The following UGDH variants were observed in gnomAD, a reference collection of about 807,000 sequenced individuals.
UGDH encodes UDP-Glc dehydrogenase.
In UGDH, 38 loss-of-function variants were observed where a neutral mutation model predicts 50.6. That is an observed-to-expected ratio of 0.75 (90% CI 0.58 to 0.98). The LOEUF is 0.98. Ranked by LOEUF, UGDH falls within the 50% of genes least tolerant of loss-of-function variation. The pLI, the probability that UGDH is intolerant of heterozygous loss-of-function variation, is 0.00. For missense variants in UGDH, 465 were observed against 606.2 expected (o/e 0.77, Z 2.45); for synonymous variants, 168 against 199.9 (o/e 0.84, Z 1.35).
At chr4:39,500,755 C>T (rs1279767869) in intron 11 of UGDH, among the ~76,000 whole-genome samples, 1 of 148,988 alleles carries the variant, frequency 6.7e-6, no homozygotes, top group Non-Finnish European at 1.5e-5. Context: ...CTCCTAGGTT[C>T]AAGCAATTCT....
chr4:39,518,101 G>T (rs1280228362), intron 2 of UGDH, among the ~76,000 whole-genome samples: 2 of 151,920 alleles, frequency 1.3e-5, no homozygotes, highest in South Asian at 2.1e-4. Context: ...GCTAATTTTT[G>T]TATTATTTTA....
intron 1 of UGDH, among the ~76,000 whole-genome samples, chr4:39,525,773 T>G (rs975333904): frequency 6.6e-6 from 1 of 152,070 alleles, no homozygotes; most frequent in Non-Finnish European, 1.5e-5. Context: ...CCTCCCAAAG[T>G]GCTGGGATTA....
At chr4:39,517,450 T>C (rs941287235) in intron 2 of UGDH, among the ~76,000 whole-genome samples, 3 of 152,148 alleles carry the variant, frequency 2.0e-5, no homozygotes, top group Admixed American at 6.5e-5. Flanking sequence ...CCTCAGGTGA[T>C]CCACCCACCT....
Position 39,504,483 on chromosome 4 carries a change from CT to C in UGDH, c.1196del (p.Lys399ArgfsTer35). On this transcript the variant is annotated frameshift_variant, in exon 10 of 12. Coordinates refer to ENST00000316423, the MANE Select transcript of UGDH (RefSeq NM_003359.4). LOFTEE classifies it high-confidence loss of function. ...CACCATCACATGCTTCATATGGATC[CT>C]TGGAAATGGTCACGAGCCGGGACAC... Reference protein sequence around the residue: ...DQVSRLVTISKDPYEACDGAH... With the variant: ...DQVSRLVTISXDPYEACDGAH... 1 of 1,613,916 alleles carries C rather than the reference CT, an allele frequency of 6.2e-7. No homozygotes were observed. The highest frequency in any genetic ancestry group is 8.5e-7 in the Non-Finnish European group (1 of 1,179,976).
At position 39,510,691 on chromosome 4, in the gene UGDH, A is replaced by G; in HGVS notation, c.435T>C (p.Asp145=). The G allele has an allele frequency of 1.2e-6, 2 of 1,614,250 alleles. No homozygotes were observed. The highest frequency in any genetic ancestry group is 2.7e-5 in the African/African-American group (2 of 75,062). ...AATTCAAGTTGGGTTTTGTGTTTGCATCAAATATGCGACGGATACTTTCTG... is the reference window on the plus strand; with the variant it reads ...AATTCAAGTTGGGTTTTGTGTTTGCGTCAAATATGCGACGGATACTTTCTG... ...RAAESIRRIF[D]ANTKPNLNLQ... is the part of the protein sequence containing the mutation. The change falls in exon 4 of 12, where the codon GAT becomes GAC. Residue 145 remains aspartate, a synonymous_variant. Coordinates refer to ENST00000316423, the MANE Select transcript of UGDH (RefSeq NM_003359.4).
At chr4:39,524,255 T>G (rs1270990734) in intron 1 of UGDH, among the ~76,000 whole-genome samples, 1 of 152,216 alleles carries the variant, frequency 6.6e-6, no homozygotes, top group Non-Finnish European at 1.5e-5. Context: ...CAGTGTCTAC[T>G]CGTTGCAGCT....
At chr4:39,510,083 A>G (rs2109928562) in intron 5 of UGDH, among the ~76,000 whole-genome samples, 176 bp from the exon 6 acceptor site, 1 of 152,372 alleles carries the variant, frequency 6.6e-6, no homozygotes, top group Admixed American at 6.5e-5. Flanking sequence ...TAAATTAGAG[A>G]GGACAGATGA....
At chr4:39,517,053 A>G (rs1382347484) in intron 2 of UGDH, among the ~76,000 whole-genome samples, 1 of 152,170 alleles carries the variant, frequency 6.6e-6, no homozygotes, top group Non-Finnish European at 1.5e-5. Context: ...TTATGTAATT[A>G]TCATAATTGG....
At position 39,503,947 on chromosome 4, in the gene UGDH, C is replaced by T. The variant is rs1341254733; in HGVS notation, c.1302G>A (p.Lys434=). ...DYERIHKKML[K]PAFIFDGRRV... ...GCCGTCCATCGAAGATAAAGGCTGG[C>T]TTTAGCATTTTTTTATGAATGCGTT... Residue 434 remains lysine (K), a synonymous_variant, in exon 11 of 12, where the codon AAG becomes AAA. Coordinates refer to ENST00000316423, the MANE Select transcript of UGDH (RefSeq NM_003359.4). 6.2e-7 allele frequency: 1 copy of T among 1,614,130 alleles called. No homozygotes were observed. Among genetic ancestry groups the T allele is most frequent in the Admixed American group, 1.7e-5 (1 of 60,014 alleles).
At chr4:39,507,474 C>T (rs1746072630) in intron 7 of UGDH, among the ~76,000 whole-genome samples, 1 of 152,204 alleles carries the variant, frequency 6.6e-6, no homozygotes, top group Non-Finnish European at 1.5e-5. Context: ...CAACCTCCGC[C>T]TCCTGGGTTC....
intron 2 of UGDH, among the ~76,000 whole-genome samples, chr4:39,514,691 A>AT (rs112622925): frequency 0.011 from 1,569 of 138,200 alleles, 22 homozygotes; most frequent in African/African-American, 0.035. Context: ...ATTTTATTTT[A>AT]TTTTTTTTTG....
Position 39,503,973 on chromosome 4 carries a change from C to T in UGDH, c.1276G>A (p.Glu426Lys), listed in dbSNP as rs922278383. The change falls in exon 11 of 12, where the codon GAA becomes AAA. Residue 426 changes from glutamate to lysine, a missense_variant. Glu to Lys is a moderately conservative substitution (Grantham distance 56). Transcript: ENST00000316423. ...EWDMFKELDY[E>K]RIHKKMLKPA... ...TTTAGCATTTTTTTATGAATGCGTT[C>T]ATAATCCAATTCCTGTAAAGACAAA... The T allele has an allele frequency of 9.9e-6, 16 of 1,613,970 alleles. No homozygotes were observed. Among genetic ancestry groups the T allele is most frequent in the Admixed American group, 1.7e-5 (1 of 60,012 alleles).
chr4:39,511,110 A>T (rs78384777), intron 3 of UGDH, among the ~76,000 whole-genome samples: 5,253 of 152,326 alleles, frequency 0.034, 132 homozygotes, highest in Non-Finnish European at 0.055. Flanking sequence ...TAACTAGGGC[A>T]GGCAGATTCC....
intron 1 of UGDH, among the ~76,000 whole-genome samples, chr4:39,522,147 T>C (rs185273477): frequency 2.6e-5 from 4 of 152,350 alleles, no homozygotes; most frequent in African/African-American, 7.2e-5. Flanking sequence ...TTACCAAAGC[T>C]GTTACACAGA....
chr4:39,519,774 AG>A (rs1289282776), intron 2 of UGDH, among the ~76,000 whole-genome samples: 3 of 152,066 alleles, frequency 2.0e-5, no homozygotes, highest in Non-Finnish European at 4.4e-5. Flanking sequence ...TCCCGACCTC[AG>A]GTAATCCGCC....
intron 5 of UGDH, 125 bp from the exon 6 acceptor site, chr4:39,510,032 A>G: frequency 8.9e-7 from 1 of 1,121,770 alleles, no homozygotes; most frequent in African/African-American, 1.6e-5. Context: ...GATGAGCTCA[A>G]TTTGAGGAGA....
At chr4:39,514,019 T>C in intron 3 of UGDH, 64 bp downstream of exon 3, 1 of 1,313,266 alleles carries the variant, frequency 7.6e-7, no homozygotes. Flanking sequence ...ACTATTAAAG[T>C]ATGATGAAAC....
chr4:39,505,791 G>T lies in UGDH; in HGVS notation c.907-43C>A, dbSNP rs761725223. The stretch of plus-strand genomic sequence containing the variant: ...ATTGTGCAATGATTAGTTAAAAGAG[G>T]CACAGCCTATGACACACATTACTCA... On this transcript the variant is annotated intron_variant, in intron 7 of 11. Transcript: ENST00000316423. 4.5e-6 allele frequency: 7 copies of T among 1,568,228 alleles called. No homozygotes were observed. The South Asian group carries it at 8.4e-5, about 19-fold the overall frequency.
intron 6 of UGDH, among the ~76,000 whole-genome samples, chr4:39,509,064 T>C (rs1241877270): frequency 6.6e-6 from 1 of 150,696 alleles, no homozygotes; most frequent in Non-Finnish European, 1.5e-5. Flanking sequence ...AGCCTTGACC[T>C]CCTGGGCTCA....
Sources: allele counts gnomAD v4.1 joint callset (sites outside exome capture counted in the v4.1 genomes callset), GRCh38; gene constraint gnomAD v4.1.1; transcripts MANE v1.5; gene names NCBI Gene and HGNC (gene_info 2026-07-23, HGNC 2026-07-21).